Variants in EIF4EBP1 observed in about 807,000 individuals in gnomAD.
EIF4EBP1 encodes the protein eukaryotic translation initiation factor 4E binding protein 1, also known as eukaryotic translation initiation factor 4E-binding protein 1.
In EIF4EBP1, 5 loss-of-function variants were observed where a neutral mutation model predicts 9.2. The ratio of observed to expected loss-of-function variants is 0.54; its 90% CI spans 0.28 to 1.14. The LOEUF (loss-of-function observed/expected upper bound fraction) is 1.14. EIF4EBP1 is among the 50% of genes most tolerant of loss of function. The pLI is 0.09. For synonymous variants in EIF4EBP1, 62 were observed against 67.0 expected (o/e 0.93, Z 0.36); for missense variants, 139 against 169.6 (o/e 0.82, Z 1.00).
chr8:38,046,629 C>T (rs1461632596), intron 1 of EIF4EBP1, among the ~76,000 whole-genome samples: 1 of 152,198 alleles, frequency 6.6e-6, no homozygotes, highest in African/African-American at 2.4e-5. Flanking sequence ...ATGGGGCTTA[C>T]ATTGTGTCAG....
chr8:38,058,780 G>T (rs753930288), intron 2 of EIF4EBP1, among the ~76,000 whole-genome samples: 1 of 152,154 alleles, frequency 6.6e-6, no homozygotes, highest in African/African-American at 2.4e-5. Flanking sequence ...GCTGTCCCTG[G>T]CCCCTAAAAA....
At chr8:38,040,866 CTGT>C (rs3067026) in intron 1 of EIF4EBP1, among the ~76,000 whole-genome samples, 48 of 151,556 alleles carry the variant, frequency 3.2e-4, no homozygotes, top group Middle Eastern at 3.4e-3. Flanking sequence ...AAATACATGC[CTGT>C]TGTTGTTGTT....
At chr8:38,040,283 G>A (rs1247706286) in intron 1 of EIF4EBP1, among the ~76,000 whole-genome samples, 2 of 152,170 alleles carry the variant, frequency 1.3e-5, no homozygotes, top group Non-Finnish European at 2.9e-5. Context: ...TGCTGACAAG[G>A]CAAGAGTAAG....
At chr8:38,042,124 G>A (rs1279370815) in intron 1 of EIF4EBP1, among the ~76,000 whole-genome samples, 1 of 152,084 alleles carries the variant, frequency 6.6e-6, no homozygotes, top group Non-Finnish European at 1.5e-5. Context: ...CAAGTGTCCT[G>A]CAGGCCAGGC....
At chr8:38,048,918 C>A (rs1010314641) in intron 1 of EIF4EBP1, among the ~76,000 whole-genome samples, 1 of 151,858 alleles carries the variant, frequency 6.6e-6, no homozygotes, top group African/African-American at 2.4e-5. Flanking sequence ...CACCTGAGGT[C>A]AGGAATTCAA....
intron 1 of EIF4EBP1, among the ~76,000 whole-genome samples, chr8:38,056,325 C>T (rs1180283695): frequency 3.3e-5 from 5 of 152,198 alleles, no homozygotes; most frequent in African/African-American, 4.8e-5. Context: ...GGTTGAATCA[C>T]AAGTATTTTC....
chr8:38,037,535 A>G (rs529613998), intron 1 of EIF4EBP1, among the ~76,000 whole-genome samples: 44 of 151,902 alleles, frequency 2.9e-4, no homozygotes, highest in South Asian at 8.3e-4. Context: ...GGATGGTCTC[A>G]ATCTCCTGAC....
intron 1 of EIF4EBP1, among the ~76,000 whole-genome samples, chr8:38,042,833 G>A (rs1809400413): frequency 6.6e-6 from 1 of 152,172 alleles, no homozygotes; most frequent in Non-Finnish European, 1.5e-5. Flanking sequence ...GGAGGTCAAG[G>A]CGGGCAGATC....
At chr8:38,051,598 TA>T (rs1445066772) in intron 1 of EIF4EBP1, among the ~76,000 whole-genome samples, 3 of 151,998 alleles carry the variant, frequency 2.0e-5, no homozygotes, top group Non-Finnish European at 4.4e-5. Context: ...CTTTTATTTA[TA>T]TTTTTTTTTA....
At chr8:38,057,506 A>G (rs542255730) in intron 2 of EIF4EBP1, among the ~76,000 whole-genome samples, 4 of 152,318 alleles carry the variant, frequency 2.6e-5, no homozygotes. Context: ...CCTTTGGGTC[A>G]TGTAATTAGC....
intron 1 of EIF4EBP1, among the ~76,000 whole-genome samples, chr8:38,051,532 G>T (rs1809524526): frequency 6.6e-6 from 1 of 152,034 alleles, no homozygotes; most frequent in East Asian, 1.9e-4. Flanking sequence ...TGTACAGAGG[G>T]GTCCAAGACA....
At chr8:38,058,481 C>A (rs1454712284) in intron 2 of EIF4EBP1, among the ~76,000 whole-genome samples, 5 of 152,154 alleles carry the variant, frequency 3.3e-5, no homozygotes, top group African/African-American at 1.2e-4. Context: ...CTCTTAACGG[C>A]CCCAACTCTT....
At chr8:38,057,318 G>A (rs1809612907) in intron 2 of EIF4EBP1, 58 bp downstream of exon 2, 1 of 1,525,346 alleles carries the variant, frequency 6.6e-7, no homozygotes, top group South Asian at 1.3e-5. Context: ...TGAGGCTCCT[G>A]GAGTCCATCC....
intron 1 of EIF4EBP1, among the ~76,000 whole-genome samples, chr8:38,031,729 C>A (rs1031739266): frequency 6.6e-6 from 1 of 152,188 alleles, no homozygotes; most frequent in African/African-American, 2.4e-5. Context: ...CGGCCAGATC[C>A]GAGGTCCTCT....
intron 1 of EIF4EBP1, among the ~76,000 whole-genome samples, chr8:38,049,370 T>C (rs961398170): frequency 1.3e-5 from 2 of 152,098 alleles, no homozygotes; most frequent in Non-Finnish European, 2.9e-5. Flanking sequence ...GCCAGTATTG[T>C]GAATTTCACA....
intron 1 of EIF4EBP1, among the ~76,000 whole-genome samples, chr8:38,049,504 C>G (rs1809490442): frequency 7.0e-6 from 1 of 143,678 alleles, no homozygotes; most frequent in Admixed American, 7.1e-5. Context: ...TTTCTTGAGA[C>G]AGGTTCTCGC....
At chr8:38,054,023 A>G (rs1033153056) in intron 1 of EIF4EBP1, among the ~76,000 whole-genome samples, 1 of 152,180 alleles carries the variant, frequency 6.6e-6, no homozygotes, top group African/African-American at 2.4e-5. Context: ...TGTTATGTGT[A>G]TTTCACCACA....
At chr8:38,047,824 G>A (rs1448745035) in intron 1 of EIF4EBP1, among the ~76,000 whole-genome samples, 1 of 151,886 alleles carries the variant, frequency 6.6e-6, no homozygotes, top group Non-Finnish European at 1.5e-5. Context: ...TTTTATTTCT[G>A]TATTTTCTCT....
intron 1 of EIF4EBP1, among the ~76,000 whole-genome samples, chr8:38,054,163 C>A (rs947379054): frequency 1.3e-5 from 2 of 152,060 alleles, no homozygotes; most frequent in Non-Finnish European, 2.9e-5. Flanking sequence ...AACAAACCAA[C>A]AACAACAAAA....
Sources: gnomAD v4.1 joint callset for allele counts (sites outside exome capture counted in the v4.1 genomes callset) on GRCh38, gnomAD v4.1.1 for gene constraint, MANE v1.5 for transcripts, NCBI Gene and HGNC (gene_info 2026-07-23, HGNC 2026-07-21) for gene names.